CEP350: variants seen among roughly 807,000 people sequenced by gnomAD.
CEP350 encodes centrosome-associated protein 350.
CEP350 carries 126 observed loss-of-function variants against 331.8 expected under a neutral mutation model. The ratio of observed to expected loss-of-function variants is 0.38; its 90% CI spans 0.33 to 0.44. The LOEUF (loss-of-function observed/expected upper bound fraction) is 0.44, where lower values mean the gene tolerates loss of function less well. CEP350 is among the 20% of genes least tolerant of loss of function. The pLI, the probability that CEP350 is intolerant of heterozygous loss-of-function variation, is 1.00. For missense variants in CEP350, 3,406 were observed against 3,634.6 expected, an observed-to-expected ratio of 0.94 and a Z score of 1.62; for synonymous variants, 1,200 against 1,259.5, an observed-to-expected ratio of 0.95 and a Z score of 1.00.
intron 32 of CEP350, among the ~76,000 whole-genome samples, chr1:180,088,341 G>A (rs1425740729): frequency 6.7e-6 from 1 of 149,986 alleles, no homozygotes; most frequent in East Asian, 2.0e-4. Context: ...TTTAAATTTT[G>A]AACAAAAAGT....
chr1:179,981,160 T>G lies in CEP350; in HGVS notation c.-13-5009T>G, dbSNP rs561959530. Among the ~76,000 whole-genome samples, 16 of 152,268 alleles carry G rather than the reference T, an allele frequency of 1.1e-4. No homozygotes were observed. In the South Asian group the frequency reaches 3.3e-3, roughly 32 times the overall value. On this transcript the variant is annotated intron_variant, in intron 1 of 37. Coordinates refer to ENST00000367607, the MANE Select transcript of CEP350 (RefSeq NM_014810.5). Reference sequence around the variant, plus strand: ...TATCAAGTTATTTAGAAGTTAAATATTTTAGAAATATGAAATGGACAAAAA... The same window carrying G: ...TATCAAGTTATTTAGAAGTTAAATAGTTTAGAAATATGAAATGGACAAAAA...
chr1:180,094,540 T>C lies in CEP350; in HGVS notation c.8435T>C (p.Ile2812Thr). 10 of 1,613,942 alleles carry C rather than the reference T, an allele frequency of 6.2e-6. No individual in the cohort carries two copies. The highest frequency in any genetic ancestry group is 8.5e-6 in the Non-Finnish European group (10 of 1,179,844). ...SQNVEEQSPS[I>T]SGCFLSSELE... ...AATGTTGAGGAACAGTCGCCAAGTA[T>C]TTCAGGTTGCTTCTTAAGTTCTGAA... Residue 2812 changes from isoleucine to threonine, a missense_variant, in exon 34 of 38, where the codon ATT becomes ACT. By Grantham distance (89) the Ile-to-Thr change is moderately conservative. This residue lies in a region of CEP350 where 1,415 missense variants were observed against 1,512.3 expected (regional missense o/e 0.94). Transcript: ENST00000367607.
chr1:180,033,859 T>C lies in CEP350; in HGVS notation c.3726-3T>C, dbSNP rs1022154303. On this transcript the variant is annotated splice_polypyrimidine_tract_variant and splice_region_variant and intron_variant, in intron 15 of 37. Coordinates refer to ENST00000367607, the MANE Select transcript of CEP350 (RefSeq NM_014810.5). ...TAATGTTTTTGTGGATCAAAACTTC[T>C]AGTGTCTCATCAGATAAGGGAAGAT... The C allele has an allele frequency of 1.2e-6, 2 of 1,612,950 alleles. No homozygotes were observed. The highest frequency in any genetic ancestry group is 1.3e-5 in the African/African-American group (1 of 74,990).
chr1:179,991,707 G>GTGTGTGTATATATATATA (rs1385981536), intron 4 of CEP350, among the ~76,000 whole-genome samples: 4 of 96,940 alleles, frequency 4.1e-5, no homozygotes, highest in Non-Finnish European at 8.1e-5. Flanking sequence ...GTGTGTGTGT[G>GTGTGTGTATATATATATA]TATATATATA....
At position 180,048,713 on chromosome 1, in the gene CEP350, T is replaced by C. The variant is rs1331093919; in HGVS notation, c.4792+8T>C. 3 of 1,599,234 alleles carry C rather than the reference T, an allele frequency of 1.9e-6. No individual in the cohort carries two copies. Among genetic ancestry groups the C allele is most frequent in the Admixed American group, 3.4e-5 (2 of 58,158 alleles). ...CTCTTCCTGATGAAAAAGGTAACTT[T>C]CTTTGCAAATAAATGTGTAATCATT... On this transcript the variant is annotated splice_region_variant and intron_variant, in intron 22 of 37. Coordinates refer to ENST00000367607, the MANE Select transcript of CEP350 (RefSeq NM_014810.5).
chr1:179,991,707 G>GTGTGTGTGTATATA (rs1385981536), intron 4 of CEP350, among the ~76,000 whole-genome samples: 58 of 96,970 alleles, frequency 6.0e-4, no homozygotes, highest in Non-Finnish European at 8.3e-4. Flanking sequence ...GTGTGTGTGT[G>GTGTGTGTGTATATA]TATATATATA....
intron 4 of CEP350, 24 bp from the exon 5 acceptor site, chr1:179,992,038 C>T: frequency 2.0e-6 from 3 of 1,502,948 alleles, no homozygotes; most frequent in Non-Finnish European, 2.6e-6. Context: ...ATTATATGTT[C>T]TCACAGATTT....
In CEP350 at chr1:180,093,192, T is replaced by C. The variant is rs1660296544; in HGVS notation, c.7087T>C (p.Trp2363Arg). The C allele has an allele frequency of 6.3e-7, 1 of 1,599,850 alleles. No individual in the cohort carries two copies. The highest frequency in any genetic ancestry group is 8.5e-7 in the Non-Finnish European group (1 of 1,172,372). ...QKNTKEKDLS[W>R]SEHLFAPKEI... ...GAACACAAAGGAAAAAGATTTGTCT[T>C]GGTCAGAACATCTTTTTGCTCCTAA... Residue 2363 changes from tryptophan to arginine, a missense_variant, in exon 34 of 38, where the codon TGG (tryptophan) becomes CGG (arginine). Trp to Arg is a moderately radical substitution (Grantham distance 101, BLOSUM62 -3). Coordinates refer to ENST00000367607, the MANE Select transcript of CEP350 (RefSeq NM_014810.5).
At chr1:179,959,380 G>A in intron 1 of CEP350, among the ~76,000 whole-genome samples, 1 of 151,910 alleles carries the variant, frequency 6.6e-6, no homozygotes, top group East Asian at 1.9e-4. Flanking sequence ...CTTGAACCAG[G>A]GAGGTGGAGG....
intron 13 of CEP350, 140 bp downstream of exon 13, chr1:180,022,988 CA>C: frequency 1.4e-6 from 1 of 716,958 alleles, no homozygotes; most frequent in South Asian, 2.5e-5. Context: ...AGATCCAGAG[CA>C]TGGGCTCTGG....
At chr1:180,095,449 CTCTG>C (rs1571994187) in intron 34 of CEP350, 70 bp from the exon 35 acceptor site, 16 of 1,481,480 alleles carry the variant, frequency 1.1e-5, no homozygotes, top group Middle Eastern at 1.8e-4. Context: ...AATGCATTTA[CTCTG>C]TCTTTTTTTA....
At chr1:180,048,424 C>T (rs1657270683) in intron 21 of CEP350, 112 bp from the exon 22 acceptor site, 2 of 664,648 alleles carry the variant, frequency 3.0e-6, no homozygotes. Flanking sequence ...CATCTTTCTT[C>T]ATTTTTATCT....
chr1:179,965,895 G>A (rs899083286), intron 1 of CEP350, among the ~76,000 whole-genome samples: 8 of 151,902 alleles, frequency 5.3e-5, no homozygotes, highest in Non-Finnish European at 8.8e-5. Context: ...CAAAGTGCTG[G>A]GATTACAGGC....
At chr1:180,014,811 G>C (rs890965366) in intron 10 of CEP350, among the ~76,000 whole-genome samples, 20 of 152,176 alleles carry the variant, frequency 1.3e-4, no homozygotes, top group African/African-American at 4.6e-4. Flanking sequence ...TGAACGATGT[G>C]GGGGTTGGGG....
At chr1:180,033,654 G>A (rs1234882396) in intron 15 of CEP350, among the ~76,000 whole-genome samples, 1 of 152,092 alleles carries the variant, frequency 6.6e-6, no homozygotes, top group African/African-American at 2.4e-5. Context: ...TTTGTGCCTT[G>A]CTTGTTCACC....
chr1:180,018,119 C>G (rs533864116), intron 11 of CEP350, among the ~76,000 whole-genome samples: 2 of 152,324 alleles, frequency 1.3e-5, no homozygotes, highest in Non-Finnish European at 1.5e-5. Context: ...GATCCTCCCA[C>G]CTCAGCCTCC....
At chr1:180,004,829 A>T (rs1443999729) in intron 7 of CEP350, among the ~76,000 whole-genome samples, 1 of 151,968 alleles carries the variant, frequency 6.6e-6, no homozygotes, top group Non-Finnish European at 1.5e-5. Flanking sequence ...AATCATCAGG[A>T]TGCCTTGACC....
chr1:180,009,500 T>C (rs979942504), intron 8 of CEP350, among the ~76,000 whole-genome samples: 14 of 152,326 alleles, frequency 9.2e-5, no homozygotes, highest in Non-Finnish European at 1.6e-4. Flanking sequence ...AGAGAGTCAT[T>C]AAATATGCTA....
At chr1:179,994,471 T>TG (rs1653332096) in intron 5 of CEP350, among the ~76,000 whole-genome samples, 1 of 149,932 alleles carries the variant, frequency 6.7e-6, no homozygotes, top group Non-Finnish European at 1.5e-5. Context: ...TTTTTTTTTT[T>TG]GAGACAGTGT....
Sources: allele counts gnomAD v4.1 joint callset (sites outside exome capture counted in the v4.1 genomes callset), GRCh38; gene constraint gnomAD v4.1.1; regional missense constraint gnomAD v4.1.1; transcripts MANE v1.5; gene names NCBI Gene and HGNC (gene_info 2026-07-23, HGNC 2026-07-21).